The following EGFL6 variants were observed in gnomAD, a reference collection of about 807,000 sequenced individuals.
EGFL6 encodes the protein epidermal growth factor-like protein 6.
Under a neutral mutation model 43.1 loss-of-function variants are expected in EGFL6, and 42 were observed. The observed-to-expected ratio is 0.98, with a 90% confidence interval of 0.76 to 1.26. EGFL6 has a LOEUF of 1.26. Among genes scored for constraint, EGFL6 ranks in the 50% most tolerant of loss-of-function variants. The pLI, the probability that EGFL6 is intolerant of heterozygous loss-of-function variation, is 0.00. For synonymous variants in EGFL6, 164 were observed against 163.2 expected (o/e 1.01, Z -0.04); for missense variants, 429 against 427.8 (o/e 1.00, Z -0.02).
chrX:13,609,466 GT>G (rs1306960762), intron 7 of EGFL6, among the ~76,000 whole-genome samples: 2 of 111,886 alleles, frequency 1.8e-5, no homozygotes, highest in Non-Finnish European at 3.8e-5. Flanking sequence ...AGTCATCCAG[GT>G]TCGGCTGGGC....
chrX:13,572,810 G>A (rs914651426), intron 1 of EGFL6, among the ~76,000 whole-genome samples: 1 of 111,406 alleles, frequency 9.0e-6, no homozygotes, highest in Non-Finnish European at 1.9e-5. Context: ...TGTAAAAATT[G>A]GCCACAAATT....
chrX:13,573,238 C>A (rs1318702356), intron 1 of EGFL6, among the ~76,000 whole-genome samples: 1 of 111,769 alleles, frequency 8.9e-6, no homozygotes, highest in Non-Finnish European at 1.9e-5. Flanking sequence ...GTTATTCAGC[C>A]TTTCACAGGA....
chrX:13,593,522 G>C (rs899779630), intron 2 of EGFL6, among the ~76,000 whole-genome samples: 2 of 111,587 alleles, frequency 1.8e-5, no homozygotes, highest in Non-Finnish European at 3.8e-5. Context: ...GGGACCTCTA[G>C]GGGGTTAATT....
intron 1 of EGFL6, among the ~76,000 whole-genome samples, chrX:13,577,717 A>T (rs2045481966): frequency 8.9e-6 from 1 of 112,067 alleles, no homozygotes; most frequent in Non-Finnish European, 1.9e-5. Context: ...GCATAAGGTG[A>T]GCATCAGCCC....
At chrX:13,588,647 C>G (rs1453120753) in intron 1 of EGFL6, among the ~76,000 whole-genome samples, 2 of 110,676 alleles carry the variant, frequency 1.8e-5, no homozygotes, top group East Asian at 5.7e-4. Flanking sequence ...AGCCTGCTGG[C>G]CAAAGCTAGG....
At chrX:13,610,230 G>A (rs1325896528) in intron 7 of EGFL6, among the ~76,000 whole-genome samples, 1 of 112,249 alleles carries the variant, frequency 8.9e-6, no homozygotes, top group Non-Finnish European at 1.9e-5. Context: ...AGCATAAATT[G>A]TGCCTGTAAA....
intron 5 of EGFL6, among the ~76,000 whole-genome samples, chrX:13,605,672 A>G (rs1322589901): frequency 9.0e-6 from 1 of 111,693 alleles, no homozygotes; most frequent in East Asian, 2.8e-4. Flanking sequence ...ACTAACATCT[A>G]TTTGATTTGA....
chrX:13,623,969 G>A lies in EGFL6; in HGVS notation c.1285+44G>A, dbSNP rs147554528. 547 of 1,002,600 alleles carry A rather than the reference G, an allele frequency of 5.5e-4. No individual in the cohort carries two copies. The African/African-American group carries it at 9.0e-3, about 16-fold the overall frequency. The allele number at this position is 1,002,600 out of a possible 1,213,427, so 82.6% of individuals were successfully genotyped here. On this transcript the variant is annotated intron_variant, in intron 10 of 11. Transcript: ENST00000361306. The stretch of plus-strand genomic sequence containing the variant: ...TTCATGTTCTGCAATATGGTGAAGG[G>A]ATAGAAAGCCCTCCATGAGTGATGG...
intron 5 of EGFL6, among the ~76,000 whole-genome samples, chrX:13,606,020 A>G (rs1395468329): frequency 1.8e-5 from 2 of 112,215 alleles, no homozygotes; most frequent in Non-Finnish European, 3.8e-5. Context: ...ACAATATACA[A>G]TATTCACTCA....
intron 4 of EGFL6, among the ~76,000 whole-genome samples, chrX:13,601,898 C>T (rs1168007604): frequency 1.8e-5 from 2 of 111,266 alleles, no homozygotes; most frequent in African/African-American, 6.5e-5. Flanking sequence ...AAAAGATGTA[C>T]GCTAATGGAT....
chrX:13,597,031 G>A (rs1239161020), intron 3 of EGFL6, among the ~76,000 whole-genome samples: 1 of 112,127 alleles, frequency 8.9e-6, no homozygotes, highest in Non-Finnish European at 1.9e-5. Flanking sequence ...GACAATTTTG[G>A]TTGTCATAAC....
chrX:13,595,721 A>G (rs114044044), intron 3 of EGFL6, among the ~76,000 whole-genome samples: 288 of 105,966 alleles, frequency 2.7e-3, no homozygotes, highest in African/African-American at 0.01. Flanking sequence ...TACTTCATAT[A>G]CTTTTTTTTT....
rs188049584 is a variant in EGFL6 at position 13,606,485 on chromosome X, A to G, written c.627A>G (p.Gln209=). ...YCKCHIGFEL[Q]YISGRYDCID... is the part of the protein sequence containing the mutation. ...AATGTCACATTGGTTTCGAACTGCA[A>G]TATATCAGTGGACGATATGACTGTA... is the stretch of plus-strand genomic sequence containing the variant. The change falls in exon 6 of 12, where the codon CAA becomes CAG. Residue 209 remains glutamine (Q), a synonymous_variant. Coordinates refer to ENST00000361306, the MANE Select transcript of EGFL6 (RefSeq NM_015507.4). The G allele has an allele frequency of 2.1e-5, 25 of 1,210,026 alleles. No homozygotes were observed. The highest frequency in any genetic ancestry group is 3.5e-5 in the African/African-American group (2 of 57,331).
intron 10 of EGFL6, among the ~76,000 whole-genome samples, chrX:13,625,608 C>T (rs375567251): frequency 5.4e-5 from 6 of 110,382 alleles, no homozygotes; most frequent in East Asian, 5.7e-4. Context: ...CGCTTGAACC[C>T]GGGAGGCGGA....
chrX:13,600,290 T>C (rs2045626515), intron 4 of EGFL6, among the ~76,000 whole-genome samples, 196 bp downstream of exon 4: 1 of 83,435 alleles, frequency 1.2e-5, no homozygotes, highest in Non-Finnish European at 2.3e-5. Context: ...CTTTTTTTTT[T>C]TTTTTTTTTT....
intron 1 of EGFL6, among the ~76,000 whole-genome samples, chrX:13,573,854 G>A (rs2045456290): frequency 8.9e-6 from 1 of 112,372 alleles, no homozygotes; most frequent in African/African-American, 3.2e-5. Context: ...TTTACAAAGG[G>A]CTTTCTTACA....
At chrX:13,591,677 C>G (rs753859575) in intron 2 of EGFL6, among the ~76,000 whole-genome samples, 1 of 110,766 alleles carries the variant, frequency 9.0e-6, no homozygotes, top group South Asian at 3.9e-4. Context: ...ACAAGGAGAG[C>G]CAGACCCCAG....
intron 1 of EGFL6, among the ~76,000 whole-genome samples, chrX:13,588,541 C>T (rs2045545407): frequency 9.0e-6 from 1 of 111,135 alleles, no homozygotes; most frequent in Non-Finnish European, 1.9e-5. Context: ...AGTAGGTAAA[C>T]ATGCAGTGAG....
intron 5 of EGFL6, among the ~76,000 whole-genome samples, chrX:13,604,919 C>T (rs1908081862): frequency 8.9e-6 from 1 of 111,997 alleles, no homozygotes; most frequent in Non-Finnish European, 1.9e-5. Context: ...AAAAAAACTG[C>T]ATTTAGAAAG....
Sources: gnomAD v4.1 joint callset for allele counts (sites outside exome capture counted in the v4.1 genomes callset) on GRCh38, gnomAD v4.1.1 for gene constraint, MANE v1.5 for transcripts, NCBI Gene and HGNC (gene_info 2026-07-23, HGNC 2026-07-21) for gene names.